DAB1: variants seen among roughly 807,000 people sequenced by gnomAD.
DAB1 encodes the protein disabled homolog 1.
In DAB1, 15 loss-of-function variants were observed where a neutral mutation model predicts 64.6. The ratio of observed to expected loss-of-function variants is 0.23; its 90% CI spans 0.16 to 0.36. The LOEUF (loss-of-function observed/expected upper bound fraction) is 0.36, where lower values mean the gene tolerates loss of function less well. DAB1 is among the 10% of genes least tolerant of loss of function. DAB1 has a pLI of 1.00. For missense variants in DAB1, 596 were observed against 706.7 expected, an observed-to-expected ratio of 0.84 and a Z score of 1.78; for synonymous variants, 235 against 251.9, an observed-to-expected ratio of 0.93 and a Z score of 0.64.
intron 4 of DAB1, among the ~76,000 whole-genome samples, chr1:58,186,082 T>C (rs964988350): frequency 2.0e-5 from 3 of 152,242 alleles, no homozygotes; most frequent in Admixed American, 6.5e-5. Flanking sequence ...TCAAGACTTC[T>C]AAACAGAAAC....
intron 1 of DAB1, among the ~76,000 whole-genome samples, chr1:57,388,124 C>T (rs1354413059): frequency 6.6e-6 from 1 of 152,172 alleles, no homozygotes; most frequent in East Asian, 1.9e-4. Context: ...CATGCATTTT[C>T]CTTTACACAT....
chr1:57,015,987 G>A (rs75575850), intron 11 of DAB1, among the ~76,000 whole-genome samples: 1,809 of 152,256 alleles, frequency 0.012, 38 homozygotes, highest in African/African-American at 0.041. Context: ...GTAATTTGGG[G>A]AGCAGTTCTT....
chr1:57,375,156 A>G (rs1449734717), intron 1 of DAB1, among the ~76,000 whole-genome samples: 1 of 152,176 alleles, frequency 6.6e-6, no homozygotes, highest in Non-Finnish European at 1.5e-5. Flanking sequence ...TTCACCCCAC[A>G]GAAGCCCTCC....
intron 6 of DAB1, among the ~76,000 whole-genome samples, chr1:57,811,275 G>C (rs1651607269): frequency 6.6e-6 from 1 of 152,204 alleles, no homozygotes; most frequent in African/African-American, 2.4e-5. Flanking sequence ...GGGGCTGGTG[G>C]AAGGTGATTA....
At chr1:58,330,886 A>G (rs1308380287) in intron 4 of DAB1, among the ~76,000 whole-genome samples, 1 of 152,220 alleles carries the variant, frequency 6.6e-6, no homozygotes, top group South Asian at 2.1e-4. Flanking sequence ...ATATACAAAG[A>G]GATGAATGTT....
intron 14 of DAB1, among the ~76,000 whole-genome samples, chr1:57,009,440 T>G (rs1204403552): frequency 6.6e-6 from 1 of 152,186 alleles, no homozygotes; most frequent in Non-Finnish European, 1.5e-5. Flanking sequence ...GTGTGTTAGG[T>G]TCTTTAATAA....
intron 6 of DAB1, among the ~76,000 whole-genome samples, chr1:57,782,474 C>T (rs1483039831): frequency 6.6e-6 from 1 of 152,122 alleles, no homozygotes; most frequent in Admixed American, 6.6e-5. Context: ...TGCAAACACT[C>T]AATATATGTT....
chr1:58,331,372 G>T (rs1027953802), intron 4 of DAB1, among the ~76,000 whole-genome samples: 2 of 152,160 alleles, frequency 1.3e-5, no homozygotes, highest in African/African-American at 4.8e-5. Context: ...TGAACCCTGT[G>T]GAAATGACAA....
intron 4 of DAB1, among the ~76,000 whole-genome samples, chr1:58,307,183 G>T (rs562858418): frequency 2.0e-5 from 3 of 152,166 alleles, no homozygotes; most frequent in Non-Finnish European, 4.4e-5. Context: ...CAGTAAAAAA[G>T]AAAGAAAATT....
intron 4 of DAB1, among the ~76,000 whole-genome samples, chr1:58,247,878 C>A (rs181226886): frequency 1.4e-5 from 2 of 145,702 alleles, no homozygotes; most frequent in Non-Finnish European, 3.0e-5. Flanking sequence ...CTATCCCTGT[C>A]TCTCTATTTC....
chr1:57,317,405 A>AT (rs1397325853), intron 1 of DAB1, among the ~76,000 whole-genome samples: 1 of 152,206 alleles, frequency 6.6e-6, no homozygotes, highest in Non-Finnish European at 1.5e-5. Flanking sequence ...TGTTAGAGTA[A>AT]TTTGTTATGC....
At chr1:57,156,782 C>A (rs12034636) in intron 2 of DAB1, among the ~76,000 whole-genome samples, 20 of 152,096 alleles carry the variant, frequency 1.3e-4, no homozygotes, top group Non-Finnish European at 2.2e-4. Flanking sequence ...TGATCATCTC[C>A]TAACCGGGGG....
At chr1:57,765,486 A>G (rs1886140) in intron 6 of DAB1, among the ~76,000 whole-genome samples, 80,744 of 151,990 alleles carry the variant, frequency 0.53, 21,641 homozygotes, top group East Asian at 0.64. Flanking sequence ...GAGGAATGTG[A>G]AAGCAGATTC....
chr1:57,342,604 T>A (rs891667060), intron 1 of DAB1, among the ~76,000 whole-genome samples: 1 of 152,214 alleles, frequency 6.6e-6, no homozygotes, highest in Non-Finnish European at 1.5e-5. Flanking sequence ...AATTGGTGGG[T>A]TCTTGGTCTC....
At position 57,557,930 on chromosome 1, in the gene DAB1, G is replaced by T. The variant is rs371823721; in HGVS notation, n.625+91662C>A. Among the ~76,000 whole-genome samples the T allele has an allele frequency of 9.2e-5, 14 of 152,284 alleles. No individual in the cohort carries two copies. In the South Asian group the frequency reaches 1.7e-3, roughly 18 times the overall value. On this transcript the variant is annotated intron_variant and non_coding_transcript_variant, in intron 7 of 20. Transcript: ENST00000485760. ...ACTGAGCCTCAAATCTTCTAAAATTGCTCTGAGTGAGAGTCTTATCTCCTG... is the reference window on the plus strand; with the variant it reads ...ACTGAGCCTCAAATCTTCTAAAATTTCTCTGAGTGAGAGTCTTATCTCCTG...
At chr1:58,532,575 T>C (rs1221555037) in intron 1 of DAB1, among the ~76,000 whole-genome samples, 3 of 152,202 alleles carry the variant, frequency 2.0e-5, no homozygotes, top group Non-Finnish European at 4.4e-5. Context: ...TCACCCAGGC[T>C]AGAGTGCAGT....
At chr1:57,268,194 C>T (rs930274964) in intron 2 of DAB1, among the ~76,000 whole-genome samples, 6 of 152,122 alleles carry the variant, frequency 3.9e-5, no homozygotes, top group South Asian at 2.1e-4. Flanking sequence ...GGTGTGCACC[C>T]GGAGTGCAGC....
chr1:58,236,827 A>G (rs1660065050), intron 4 of DAB1, among the ~76,000 whole-genome samples: 2 of 152,204 alleles, frequency 1.3e-5, no homozygotes, highest in Admixed American at 6.5e-5. Context: ...TCACATTAAC[A>G]CAGCAAATCC....
chr1:57,130,216 T>C (rs1657530143), intron 4 of DAB1, among the ~76,000 whole-genome samples: 2 of 152,094 alleles, frequency 1.3e-5, no homozygotes, highest in Admixed American at 1.3e-4. Flanking sequence ...AATAATGTAA[T>C]ATTATTTAAC....
Sources: allele counts gnomAD v4.1 joint callset (sites outside exome capture counted in the v4.1 genomes callset), GRCh38; gene constraint gnomAD v4.1.1; transcripts MANE v1.5; gene names NCBI Gene and HGNC (gene_info 2026-07-23, HGNC 2026-07-21).